The following PTGIS variants were observed in gnomAD, a reference collection of about 807,000 sequenced individuals.
PTGIS encodes the protein prostaglandin I2 synthase, also known as prostacyclin synthase.
A neutral mutation model predicts 50.3 loss-of-function variants in PTGIS; 45 were observed. That is an observed-to-expected ratio of 0.90 (90% CI 0.70 to 1.15). The LOEUF (loss-of-function observed/expected upper bound fraction) is 1.15, where lower values mean the gene tolerates loss of function less well. Among genes scored for constraint, PTGIS ranks in the 50% most tolerant of loss-of-function variants. The probability of loss-of-function intolerance (pLI) is 0.00; values close to 1 mark genes in which losing one functional copy is unlikely to be tolerated. For missense variants in PTGIS, 668 were observed against 661.3 expected (o/e 1.01, Z -0.11); for synonymous variants, 260 against 267.7 (o/e 0.97, Z 0.28).
chr20:49,517,660 T>C (rs1981522689), intron 6 of PTGIS, among the ~76,000 whole-genome samples: 1 of 152,224 alleles, frequency 6.6e-6, no homozygotes, highest in Non-Finnish European at 1.5e-5. Flanking sequence ...TGAATGGCAG[T>C]GGCTGACCTC....
At position 49,539,640 on chromosome 20, in the gene PTGIS, A is replaced by C; in HGVS notation, c.603T>G (p.Ala201=). 2 of 1,614,032 alleles carry C rather than the reference A, an allele frequency of 1.2e-6. No individual in the cohort carries two copies. Among genetic ancestry groups the C allele is most frequent in the Non-Finnish European group, 1.7e-6 (2 of 1,180,002 alleles). The change falls in exon 5 of 10, where the codon GCT becomes GCG. Residue 201 remains alanine (A), a synonymous_variant. Transcript: ENST00000244043. ...GCTGGCGAAAGGTGTGGAAGACATC[A>C]GCTGAGTGGACGCGGTCCTGGGCCT... ...ESQAQDRVHS[A]DVFHTFRQLD...
chr20:49,556,601 T>A (rs917189444), intron 1 of PTGIS, among the ~76,000 whole-genome samples: 3 of 152,230 alleles, frequency 2.0e-5, no homozygotes, highest in Non-Finnish European at 4.4e-5. Context: ...TCAGTCTTGC[T>A]GCATTTTATG....
At chr20:49,564,144 A>G (rs1322510431) in intron 1 of PTGIS, among the ~76,000 whole-genome samples, 1 of 152,266 alleles carries the variant, frequency 6.6e-6, no homozygotes, top group Non-Finnish European at 1.5e-5. Context: ...TGAACTGGGA[A>G]CTACATGACA....
rs1981379821 is a variant in PTGIS at position 49,513,374 on chromosome 20, G to A, written c.1025-113C>T. 4.1e-6 allele frequency: 5 copies of A among 1,220,396 alleles called. No homozygotes were observed. In the Admixed American group the frequency reaches 7.9e-5, roughly 19 times the overall value. 75.6% of individuals were successfully genotyped at this position (1,220,396 alleles called of 1,614,324 possible). On this transcript the variant is annotated intron_variant, in intron 7 of 9. Coordinates refer to ENST00000244043, the MANE Select transcript of PTGIS (RefSeq NM_000961.4). ...ATGAAGAGGCTCAGAGAGGGTGCCT[G>A]CCTCGCCCACACAGTCACATAGCAA...
rs371245848 is a variant in PTGIS at position 49,555,862 on chromosome 20, A to G, written c.75-5673T>C. 2.0e-5 allele frequency among the ~76,000 whole-genome samples: 3 copies of G among 152,182 alleles called. No homozygotes were observed. In the South Asian group the frequency reaches 6.2e-4, roughly 32 times the overall value. On this transcript the variant is annotated intron_variant, in intron 1 of 9. Coordinates refer to ENST00000244043, the MANE Select transcript of PTGIS (RefSeq NM_000961.4). ...TACTCTTAAACATGGGCTTCTGACA[A>G]CCTTAGAGATTGTGCCATTGGAATA...
rs139745589 is a variant in PTGIS, at chr20:49,524,127, G to A, written c.786C>T (p.His262=). 14 of 1,614,100 alleles carry A rather than the reference G, an allele frequency of 8.7e-6. No individual in the cohort carries two copies. The highest frequency in any genetic ancestry group is 4.0e-5 in the African/African-American group (3 of 74,934). ...RSKWLESYLL[H]LEEMGVSEEM... ...CCTCTGACACACCCATCTCCTCCAG[G>A]TGCAGCAGGTAACTCTCCAGCCATT... The change falls in exon 6 of 10, where the codon CAC becomes CAT. Residue 262 remains histidine, a synonymous_variant. Transcript: ENST00000244043.
chr20:49,512,664 C>G (rs1001258912), intron 8 of PTGIS, among the ~76,000 whole-genome samples: 58 of 152,118 alleles, frequency 3.8e-4, no homozygotes, highest in African/African-American at 1.3e-3. Flanking sequence ...TTATAACAAT[C>G]TGAAATAAGG....
chr20:49,535,117 C>T (rs1483037754), intron 5 of PTGIS, among the ~76,000 whole-genome samples: 3 of 152,200 alleles, frequency 2.0e-5, no homozygotes, highest in East Asian at 1.9e-4. Flanking sequence ...TATTTAAAGG[C>T]TGATAACTGC....
Position 49,514,236 on chromosome 20 carries a change from G to C in PTGIS, c.1015C>G (p.Pro339Ala), listed in dbSNP as rs1981408542. ...TLPQKVLDST[P>A]VLDSVLSESL... Reference sequence around the variant, plus strand: ...GGTCTGACGATCTCACCAAGCACAGGTGTGCTGTCTAGAACCTTCTGTGGG... The same window carrying C: ...GGTCTGACGATCTCACCAAGCACAGCTGTGCTGTCTAGAACCTTCTGTGGG... Residue 339 changes from proline to alanine, a missense_variant, in exon 7 of 10, where the codon CCT becomes GCT. By Grantham distance (27) the Pro-to-Ala change is conservative. Coordinates refer to ENST00000244043, the MANE Select transcript of PTGIS (RefSeq NM_000961.4). The C allele has an allele frequency of 6.2e-7, 1 of 1,613,752 alleles. No individual in the cohort carries two copies. The highest frequency in any genetic ancestry group is 1.3e-5 in the African/African-American group (1 of 74,922).
intron 5 of PTGIS, among the ~76,000 whole-genome samples, chr20:49,525,266 T>C (rs1466368059): frequency 6.6e-6 from 1 of 152,208 alleles, no homozygotes; most frequent in Admixed American, 6.5e-5. Context: ...GGCCTGTGCT[T>C]TCAAAGGAAG....
In PTGIS at chr20:49,544,571, C is replaced by T. The variant is rs368771230; in HGVS notation, c.378-123G>A. The T allele has an allele frequency of 7.1e-5, 73 of 1,029,108 alleles. 1 individual carries two copies. In the Middle Eastern group the frequency reaches 2.8e-3, roughly 39 times the overall value. The allele number at this position is 1,029,108 out of a possible 1,614,324, so 63.7% of individuals were successfully genotyped here. On this transcript the variant is annotated intron_variant, in intron 3 of 9. Transcript: ENST00000244043. ...GCTCCCCATTGGCAAAGAGGTCCTGCGGAAGAGTAGCTTAAATAAGAGGAT... is the reference window on the plus strand; with the variant it reads ...GCTCCCCATTGGCAAAGAGGTCCTGTGGAAGAGTAGCTTAAATAAGAGGAT...
In PTGIS at chr20:49,550,097, CT is replaced by C; in HGVS notation, c.166del (p.Arg56GlyfsTer2). The C allele has an allele frequency of 6.2e-7, 1 of 1,614,176 alleles. No homozygotes were observed. Among genetic ancestry groups the C allele is most frequent in the Non-Finnish European group, 8.5e-7 (1 of 1,180,030 alleles). On this transcript the variant is annotated frameshift_variant, in exon 2 of 10. Coordinates refer to ENST00000244043, the MANE Select transcript of PTGIS (RefSeq NM_000961.4). LOFTEE classifies it high-confidence loss of function. ...GATGTCACCGTGCTTCTCCTTCATCCTCGTGAGGAAGCTGGCAGCATCTTTT... is the reference window on the plus strand; with the variant it reads ...GATGTCACCGTGCTTCTCCTTCATCCCGTGAGGAAGCTGGCAGCATCTTTT... ...FGKDAASFLT[R>X]MKEKHGDIFT...
At chr20:49,520,702 T>C (rs947285331) in intron 6 of PTGIS, among the ~76,000 whole-genome samples, 1 of 152,202 alleles carries the variant, frequency 6.6e-6, no homozygotes, top group Non-Finnish European at 1.5e-5. Flanking sequence ...GGTCTCACTA[T>C]GTCACCCAAG....
intron 1 of PTGIS, among the ~76,000 whole-genome samples, chr20:49,562,627 A>G (rs1268088272): frequency 6.6e-6 from 1 of 152,012 alleles, no homozygotes. Flanking sequence ...GTGGGCCCTG[A>G]CCTTTCCATC....
At chr20:49,512,314 T>C (rs564190863) in intron 8 of PTGIS, among the ~76,000 whole-genome samples, 1 of 151,820 alleles carries the variant, frequency 6.6e-6, no homozygotes, top group South Asian at 2.1e-4. Context: ...GATGGATGCA[T>C]GGGTAGATGA....
At chr20:49,512,215 A>G (rs553903816) in intron 8 of PTGIS, among the ~76,000 whole-genome samples, 10 of 143,114 alleles carry the variant, frequency 7.0e-5, no homozygotes, top group East Asian at 2.1e-4. Context: ...ATGGGTGAGT[A>G]TGTGGATGGA....
In PTGIS at chr20:49,568,065, G is replaced by T; in HGVS notation, c.52C>A (p.Leu18Ile). 1 of 1,482,770 alleles carries T rather than the reference G, an allele frequency of 6.7e-7. No individual in the cohort carries two copies. The highest frequency in any genetic ancestry group is 1.5e-5 in the African/African-American group (1 of 68,454). 91.9% of individuals were successfully genotyped at this position (1,482,770 alleles called of 1,614,324 possible). A position where few individuals can be genotyped will look rare whatever the true frequency, so the allele number is the denominator to read the frequency against. ...CACCGCGTGCGGCGGCGGCTCAGTA[G>T]CAGCAGCAGCAACAGTGCGGCCAGG... ...GLLAALLLLLLLSRRRTRRPG... is the reference protein window; with the variant it reads ...GLLAALLLLLILSRRRTRRPG... Residue 18 changes from leucine to isoleucine, a missense_variant, in exon 1 of 10, where the codon CTA becomes ATA. By Grantham distance (5) the Leu-to-Ile change is conservative. Coordinates refer to ENST00000244043, the MANE Select transcript of PTGIS (RefSeq NM_000961.4).
rs374725945 is a variant in PTGIS at position 49,548,010 on chromosome 20, C to A, written c.208G>T (p.Gly70Trp). The A allele has an allele frequency of 3.0e-5, 49 of 1,613,860 alleles. No individual in the cohort carries two copies. Among genetic ancestry groups the A allele is most frequent in the Non-Finnish European group, 4.2e-5 (49 of 1,179,940 alleles). Residue 70 changes from glycine to tryptophan, a missense_variant, in exon 3 of 10, where the codon GGG becomes TGG. Gly to Trp is a radical substitution (Grantham distance 184). Coordinates refer to ENST00000244043, the MANE Select transcript of PTGIS (RefSeq NM_000961.4). ...KHGDIFTILVGGRYVTVLLDP... is the reference protein window; with the variant it reads ...KHGDIFTILVWGRYVTVLLDP... ...AGGAGAACGGTGACATACCTGCCCC[C>A]AACCAGTATCTGTGGGAAGTTGCCA...
intron 6 of PTGIS, among the ~76,000 whole-genome samples, chr20:49,516,656 A>G (rs1235113069): frequency 6.6e-6 from 1 of 152,214 alleles, no homozygotes; most frequent in Non-Finnish European, 1.5e-5. Context: ...AGTGATGGTG[A>G]GATAGATTTT....
Sources: gnomAD v4.1 joint callset for allele counts (sites outside exome capture counted in the v4.1 genomes callset) on GRCh38, gnomAD v4.1.1 for gene constraint, MANE v1.5 for transcripts, NCBI Gene and HGNC (gene_info 2026-07-23, HGNC 2026-07-21) for gene names.